SYNJ2: variants seen among roughly 807,000 people sequenced by gnomAD.
SYNJ2 encodes the protein synaptojanin 2.
Under a neutral mutation model 141.3 loss-of-function variants are expected in SYNJ2, and 116 were observed. The ratio of observed to expected loss-of-function variants is 0.82; its 90% CI spans 0.71 to 0.96. The LOEUF is 0.96. Ranked by LOEUF, SYNJ2 falls within the 40% of genes least tolerant of loss-of-function variation. The probability of loss-of-function intolerance (pLI) is 0.00; values close to 1 mark genes in which losing one functional copy is unlikely to be tolerated. For missense variants in SYNJ2, 1,873 were observed against 1,934.8 expected, an observed-to-expected ratio of 0.97 and a Z score of 0.60; for synonymous variants, 745 against 777.7, an observed-to-expected ratio of 0.96 and a Z score of 0.70.
At position 158,069,682 on chromosome 6, in the gene SYNJ2, A is replaced by G. The variant is rs1416258991; in HGVS notation, c.1940+9A>G. On this transcript the variant is annotated intron_variant, in intron 14 of 26. Transcript: ENST00000355585. The stretch of plus-strand genomic sequence containing the variant: ...CATGTCCCGTTCATCAGGTAAGAAC[A>G]TTCTGTTTACACACATCTGGGGAAC... 1 of 1,603,984 alleles carries G rather than the reference A, an allele frequency of 6.2e-7. No homozygotes were observed. The highest frequency in any genetic ancestry group is 1.3e-5 in the African/African-American group (1 of 74,848).
At position 157,982,048 on chromosome 6, in the gene SYNJ2, C is replaced by T. The variant is rs758709447; in HGVS notation, c.87C>T (p.Asp29=). The T allele has an allele frequency of 1.6e-5, 21 of 1,335,934 alleles. No individual in the cohort carries two copies. Among genetic ancestry groups the T allele is most frequent in the Admixed American group, 3.8e-5 (1 of 26,362 alleles). The allele number at this position is 1,335,934 out of a possible 1,614,324, so 82.8% of individuals were successfully genotyped here. ...TGCTGCTGGAGGCGCGCGGCCGCGA[C>T]GACTGCCTGCTGTTCGAGGCCGGCA... ...CSVLLEARGR[D]DCLLFEAGTV... is the part of the protein sequence containing the mutation. The change falls in exon 1 of 27, where the codon GAC becomes GAT. Residue 29 remains aspartate (D), a synonymous_variant. Transcript: ENST00000355585. The surrounding 1 kb of genome is among the most constrained non-coding windows in gnomAD (Gnocchi z 4.0).
At chr6:158,051,146 C>T (rs1355258432) in intron 5 of SYNJ2, among the ~76,000 whole-genome samples, 1 of 152,170 alleles carries the variant, frequency 6.6e-6, no homozygotes, top group Non-Finnish European at 1.5e-5. Flanking sequence ...TAGAACTTGT[C>T]ACGACGGAGA....
intron 2 of SYNJ2, chr6:158,026,805 T>C: frequency 1.0e-6 from 1 of 984,868 alleles, no homozygotes; most frequent in Non-Finnish European, 1.2e-6. Flanking sequence ...TGCTGAACTG[T>C]GCTTTTCCCT....
rs748204431 is a variant in SYNJ2, at chr6:158,083,529, C to T, written c.2966C>T (p.Ser989Phe). 6.2e-7 allele frequency: 1 copy of T among 1,614,204 alleles called. No individual in the cohort carries two copies. The highest frequency in any genetic ancestry group is 8.5e-7 in the Non-Finnish European group (1 of 1,180,046). The change falls in exon 21 of 27, where the codon TCT becomes TTT. Residue 989 changes from serine (S) to phenylalanine (F), a missense_variant. Coordinates refer to ENST00000355585, the MANE Select transcript of SYNJ2 (RefSeq NM_003898.4). ...IRKRDSMAPV[S>F]PTANSCLLEE... ...AAACGAGACAGCATGGCCCCCGTGT[C>T]TCCCACTGCCAACTCCTGTTTGCTG...
At position 158,084,291 on chromosome 6, in the gene SYNJ2, A is replaced by G; in HGVS notation, c.3208+117A>G. The G allele has an allele frequency of 8.1e-7, 1 of 1,229,902 alleles. No homozygotes were observed. Among genetic ancestry groups the G allele is most frequent in the Non-Finnish European group, 1.1e-6 (1 of 889,164 alleles). The allele number at this position is 1,229,902 out of a possible 1,614,324, so 76.2% of individuals were successfully genotyped here. ...ATATCAAGTATGCAGGTCCCAGGAG[A>G]GACCTCAACCAGGCAGGCCAAGCGA... On this transcript the variant is annotated intron_variant, in intron 22 of 26. Coordinates refer to ENST00000355585, the MANE Select transcript of SYNJ2 (RefSeq NM_003898.4). This position sits in a 1 kb window ranked among gnomAD's most constrained non-coding sequence, Gnocchi z 5.0.
At chr6:158,052,661 TC>T (rs1250251182) in intron 5 of SYNJ2, among the ~76,000 whole-genome samples, 3 of 152,152 alleles carry the variant, frequency 2.0e-5, no homozygotes, top group African/African-American at 7.2e-5. Flanking sequence ...CATGGGGTTG[TC>T]ACCAAGCTAT....
At chr6:158,033,831 A>G in intron 4 of SYNJ2, 151 bp downstream of exon 4, 1 of 736,580 alleles carries the variant, frequency 1.4e-6, no homozygotes, top group Non-Finnish European at 2.2e-6. Context: ...CAGCACGTGT[A>G]ATTGGGCTCC....
At chr6:158,028,470 G>A in intron 2 of SYNJ2, 1 of 473,536 alleles carries the variant, frequency 2.1e-6, no homozygotes, top group Non-Finnish European at 3.8e-6. Context: ...AGCAAAGCTT[G>A]CCCCCAGCCT....
Position 158,096,462 on chromosome 6 carries a change from C to A in SYNJ2, c.*98C>A. The stretch of plus-strand genomic sequence containing the variant: ...AGACATCTATTTAAAGGCACACTGG[C>A]CAAAACGTTTGTGCATCTGTCACTC... On this transcript the variant is annotated 3_prime_UTR_variant, in exon 27 of 27. Transcript: ENST00000355585. The A allele has an allele frequency of 7.2e-7, 1 of 1,389,944 alleles. No individual in the cohort carries two copies. Among genetic ancestry groups the A allele is most frequent in the South Asian group, 1.5e-5 (1 of 68,866 alleles). 86.1% of individuals were successfully genotyped at this position (1,389,944 alleles called of 1,614,324 possible). A position where few individuals can be genotyped will look rare whatever the true frequency, so the allele number is the denominator to read the frequency against.
rs537732155 is a variant in SYNJ2, at chr6:158,096,894, T to C, written c.*530T>C. ...TCAGAGTCGGAAGCAGCCAAATAGG[T>C]CAACCTAATGACTAGACTGTACATT... is the stretch of plus-strand genomic sequence containing the variant. On this transcript the variant is annotated 3_prime_UTR_variant, in exon 27 of 27. Transcript: ENST00000355585. 7 of 155,178 alleles carry C rather than the reference T, an allele frequency of 4.5e-5. No homozygotes were observed. The highest frequency in any genetic ancestry group is 1.7e-4 in the African/African-American group (7 of 41,594). The allele number at this position is 155,178 out of a possible 1,614,324, so 9.6% of individuals were successfully genotyped here. A position where few individuals can be genotyped will look rare whatever the true frequency, so the allele number is the denominator to read the frequency against.
intron 2 of SYNJ2, among the ~76,000 whole-genome samples, chr6:158,018,892 C>G (rs138138979): frequency 2.0e-5 from 3 of 152,360 alleles, no homozygotes; most frequent in Non-Finnish European, 4.4e-5. Flanking sequence ...GCAGGACTTT[C>G]CGCTCTGCAG....
At chr6:158,001,460 G>A (rs537482395) in intron 1 of SYNJ2, 6 of 142,950 alleles carry the variant, frequency 4.2e-5, no homozygotes, top group African/African-American at 1.0e-4. Context: ...GCAATGGCAC[G>A]ATCTCGGCTC....
At chr6:158,017,392 T>G in intron 2 of SYNJ2, 102 bp downstream of exon 2, 2 of 1,210,346 alleles carry the variant, frequency 1.7e-6, no homozygotes, top group Non-Finnish European at 2.2e-6. Context: ...TTGACCGCTC[T>G]TCTCTCTCTC....
At chr6:158,005,973 A>G (rs1778054459) in intron 1 of SYNJ2, among the ~76,000 whole-genome samples, 2 of 152,254 alleles carry the variant, frequency 1.3e-5, no homozygotes. Flanking sequence ...GCTCCAGGGC[A>G]TGGCTTTCGG....
At chr6:158,087,164 C>T (rs1467015053) in intron 23 of SYNJ2, among the ~76,000 whole-genome samples, 175 bp downstream of exon 23, 2 of 152,176 alleles carry the variant, frequency 1.3e-5, no homozygotes, top group Non-Finnish European at 2.9e-5. Flanking sequence ...GACGTCAGGG[C>T]TGGTTGTGTT....
chr6:158,006,299 C>T (rs1199845883), intron 1 of SYNJ2, among the ~76,000 whole-genome samples: 1 of 152,142 alleles, frequency 6.6e-6, no homozygotes, highest in Non-Finnish European at 1.5e-5. Context: ...TCATCTGTTG[C>T]CACTGTGTCC....
chr6:158,077,945 A>G, intron 17 of SYNJ2: 1 of 379,440 alleles, frequency 2.6e-6, no homozygotes, highest in South Asian at 2.9e-5. Context: ...GACTGCAGGC[A>G]TGGTCATGAC....
chr6:158,066,207 A>G (rs1238246115), intron 11 of SYNJ2, among the ~76,000 whole-genome samples: 1 of 152,110 alleles, frequency 6.6e-6, no homozygotes, highest in African/African-American at 2.4e-5. Context: ...GGGTAGGGGT[A>G]TAGACGGTGA....
chr6:158,017,477 C>T (rs749611691), intron 2 of SYNJ2, 187 bp downstream of exon 2: 199 of 785,302 alleles, frequency 2.5e-4, no homozygotes, highest in Non-Finnish European at 3.4e-4. Flanking sequence ...TGCAATGGCG[C>T]GATCTCGGCT....
Sources: gnomAD v4.1 joint callset for allele counts (sites outside exome capture counted in the v4.1 genomes callset) on GRCh38, gnomAD v4.1.1 for gene constraint, Gnocchi (gnomAD v3.1) non-coding constraint, MANE v1.5 for transcripts, NCBI Gene and HGNC (gene_info 2026-07-23, HGNC 2026-07-21) for gene names.